NARF: variants seen among roughly 807,000 people sequenced by gnomAD.
NARF encodes iron-only hydrogenase-like protein 2.
In NARF, 41 loss-of-function variants were observed where a neutral mutation model predicts 48.0. The ratio of observed to expected loss-of-function variants is 0.85; its 90% CI spans 0.66 to 1.11. The LOEUF is 1.11. NARF is among the 50% of genes least tolerant of loss of function. The pLI is 0.00. For missense variants in NARF, 613 were observed against 590.2 expected (o/e 1.04, Z -0.40); for synonymous variants, 215 against 225.5 (o/e 0.95, Z 0.42).
intron 10 of NARF, 62 bp downstream of exon 10, chr17:82,485,716 T>C: frequency 1.1e-5 from 17 of 1,582,442 alleles, no homozygotes; most frequent in Non-Finnish European, 1.5e-5. Flanking sequence ...ACACTGGTCC[T>C]GCAGCTGCCA....
rs2043959261 is a variant in NARF at position 82,481,271 on chromosome 17, A to G, written c.769+60A>G. On this transcript the variant is annotated intron_variant, in intron 7 of 10. Coordinates refer to ENST00000309794, the MANE Select transcript of NARF (RefSeq NM_012336.4). ...GGTAATCTCCTACTGGCCAGTACAC[A>G]CCAGAGCCAGGCAGATCTGTGTCCC... 5.0e-6 allele frequency: 8 copies of G among 1,599,852 alleles called. 1 individual carries two copies. In the Middle Eastern group the frequency reaches 8.8e-4, roughly 176 times the overall value.
At chr17:82,467,090 A>G (rs1293697837) in intron 3 of NARF, among the ~76,000 whole-genome samples, 1 of 151,372 alleles carries the variant, frequency 6.6e-6, no homozygotes, top group Non-Finnish European at 1.5e-5. Flanking sequence ...TCTGTCGCCC[A>G]GGCTTGAGTG....
intron 9 of NARF, among the ~76,000 whole-genome samples, chr17:82,485,247 C>T (rs1412417848): frequency 3.3e-5 from 5 of 152,084 alleles, no homozygotes; most frequent in African/African-American, 4.8e-5. Context: ...CAGTGAAACC[C>T]TATCTCTACT....
intron 4 of NARF, among the ~76,000 whole-genome samples, chr17:82,470,194 C>T (rs574034341): frequency 6.6e-6 from 1 of 152,282 alleles, no homozygotes; most frequent in East Asian, 1.9e-4. Flanking sequence ...GCTCCCTGTG[C>T]CCTAGGCGCC....
chr17:82,479,379 C>T (rs965041341), intron 6 of NARF, among the ~76,000 whole-genome samples: 1 of 152,238 alleles, frequency 6.6e-6, no homozygotes, highest in African/African-American at 2.4e-5. Context: ...CACATGACTT[C>T]CTTAGCCACT....
In NARF at chr17:82,489,613, G is replaced by A. The variant is rs973434964; in HGVS notation, c.*1456G>A. On this transcript the variant is annotated 3_prime_UTR_variant, in exon 11 of 11. Coordinates refer to ENST00000309794, the MANE Select transcript of NARF (RefSeq NM_012336.4). ...TTGGCAGACAGGTTTCTTCTCACAC[G>A]GCCCTGGCCCATCCACTCGCCATGA... is the stretch of plus-strand genomic sequence containing the variant. 2.0e-5 allele frequency: 3 copies of A among 152,214 alleles called. No individual in the cohort carries two copies. The highest frequency in any genetic ancestry group is 2.9e-5 in the Non-Finnish European group (2 of 68,084). 9.4% of individuals were successfully genotyped at this position (152,214 alleles called of 1,614,324 possible).
At chr17:82,480,863 CAG>C in intron 6 of NARF, 4 of 567,996 alleles carry the variant, frequency 7.0e-6, no homozygotes, top group Non-Finnish European at 1.2e-5. Context: ...ACCCGGGAGG[CAG>C]AGTTTGCAGT....
At chr17:82,467,607 C>T (rs1384481293) in intron 3 of NARF, among the ~76,000 whole-genome samples, 1 of 152,132 alleles carries the variant, frequency 6.6e-6, no homozygotes, top group Admixed American at 6.6e-5. Context: ...CGGGTTCAAG[C>T]GATTCTTCTG....
chr17:82,485,149 C>T (rs1278176976), intron 9 of NARF, among the ~76,000 whole-genome samples, 199 bp downstream of exon 9: 13 of 152,124 alleles, frequency 8.5e-5, no homozygotes, highest in African/African-American at 1.9e-4. Context: ...TGGCCGGGTG[C>T]GGTGGCTCGT....
At chr17:82,461,127 T>G (rs1308839246) in intron 2 of NARF, 1 of 152,238 alleles carries the variant, frequency 6.6e-6, no homozygotes, top group Admixed American at 6.5e-5. Flanking sequence ...TTCCACTATG[T>G]TGCCCAGATT....
chr17:82,472,444 A>T lies in NARF; in HGVS notation c.386-120A>T, dbSNP rs2043731552. 3.5e-6 allele frequency: 4 copies of T among 1,144,414 alleles called. No homozygotes were observed. The East Asian group carries it at 8.3e-5, about 24-fold the overall frequency. 70.9% of individuals were successfully genotyped at this position (1,144,414 alleles called of 1,614,324 possible). On this transcript the variant is annotated intron_variant, in intron 4 of 10. Transcript: ENST00000309794. Reference sequence around the variant, plus strand: ...GGTTGCAGTGAGCCGAGATTATGCCACTGCACTCTAGCCTGGGTGACAGAA... The same window carrying T: ...GGTTGCAGTGAGCCGAGATTATGCCTCTGCACTCTAGCCTGGGTGACAGAA...
intron 1 of NARF, chr17:82,459,251 G>C: frequency 1.1e-6 from 1 of 941,938 alleles, no homozygotes; most frequent in Non-Finnish European, 1.3e-6. Flanking sequence ...GCTGCTGACC[G>C]GCGCCTTCCG....
chr17:82,485,502 A>C lies in NARF; in HGVS notation c.977A>C (p.Lys326Thr). The change falls in exon 10 of 11, where the codon AAA (lysine) becomes ACA (threonine). Residue 326 changes from lysine to threonine, a missense_variant. Coordinates refer to ENST00000309794, the MANE Select transcript of NARF (RefSeq NM_012336.4). ...EEVTYRALRNKDFQEVTLEKN... is the reference protein window; with the variant it reads ...EEVTYRALRNTDFQEVTLEKN... Reference sequence around the variant, plus strand: ...TCTCTGTGTTCATTTTGTAGAAACAAAGACTTCCAAGAGGTCACCCTTGAG... The same window carrying C: ...TCTCTGTGTTCATTTTGTAGAAACACAGACTTCCAAGAGGTCACCCTTGAG... The C allele has an allele frequency of 6.2e-7, 1 of 1,614,052 alleles. No individual in the cohort carries two copies. Among genetic ancestry groups the C allele is most frequent in the Non-Finnish European group, 8.5e-7 (1 of 1,179,922 alleles).
At chr17:82,479,001 C>T (rs1406653768) in intron 6 of NARF, 83 bp downstream of exon 6, 1 of 1,368,854 alleles carries the variant, frequency 7.3e-7, no homozygotes, top group Non-Finnish European at 1.0e-6. Flanking sequence ...GGTTCCCCAT[C>T]TGTCCAGCGT....
chr17:82,486,064 G>A (rs961777418), intron 10 of NARF, among the ~76,000 whole-genome samples: 10 of 152,176 alleles, frequency 6.6e-5, no homozygotes, highest in Middle Eastern at 3.2e-3. Context: ...AGGTGGAAGC[G>A]GGAAGGGGTG....
intron 5 of NARF, chr17:82,477,894 CTT>C (rs777807650): frequency 1.3e-5 from 2 of 152,196 alleles, no homozygotes; most frequent in Non-Finnish European, 2.9e-5. Context: ...ATAGGTGAAA[CTT>C]TGATTGTTAA....
intron 1 of NARF, 164 bp downstream of exon 1, chr17:82,458,994 G>C (rs999271101): frequency 8.2e-6 from 10 of 1,212,314 alleles, no homozygotes; most frequent in Non-Finnish European, 1.0e-5. Flanking sequence ...CGGCCGGCGC[G>C]GGGTCCGCTG....
intron 6 of NARF, chr17:82,480,364 C>G (rs1599847391): frequency 5.0e-6 from 2 of 401,816 alleles, no homozygotes; most frequent in East Asian, 7.1e-5. Context: ...CAGCTCCACG[C>G]CGGCTGGACT....
At chr17:82,477,293 CAA>C (rs1176649761) in intron 5 of NARF, among the ~76,000 whole-genome samples, 1 of 151,824 alleles carries the variant, frequency 6.6e-6, no homozygotes, top group Non-Finnish European at 1.5e-5. Context: ...CTCCTGAGGT[CAA>C]GAGTTCGAGA....
Sources: allele counts gnomAD v4.1 joint callset (sites outside exome capture counted in the v4.1 genomes callset), GRCh38; gene constraint gnomAD v4.1.1; transcripts MANE v1.5; gene names NCBI Gene and HGNC (gene_info 2026-07-23, HGNC 2026-07-21).